PDGFD: variants seen among roughly 807,000 people sequenced by gnomAD.
PDGFD encodes platelet-derived growth factor D.
PDGFD carries 30 observed loss-of-function variants against 44.7 expected under a neutral mutation model. That is an observed-to-expected ratio of 0.67 (90% CI 0.50 to 0.91). The LOEUF (loss-of-function observed/expected upper bound fraction) is 0.91. Among genes scored for constraint, PDGFD ranks in the 40% least tolerant of loss-of-function variants. The pLI is 0.00. For synonymous variants in PDGFD, 173 were observed against 168.4 expected (o/e 1.03, Z -0.21); for missense variants, 445 against 457.8 (o/e 0.97, Z 0.25).
At chr11:104,075,377 G>GT (rs10716989) in intron 1 of PDGFD, among the ~76,000 whole-genome samples, 3,948 of 147,496 alleles carry the variant, frequency 0.027, 62 homozygotes, top group Middle Eastern at 0.053. Flanking sequence ...ATTTCTCAGT[G>GT]TTTTTTTTTT....
At chr11:104,112,922 A>C (rs1301726876) in intron 1 of PDGFD, among the ~76,000 whole-genome samples, 1 of 152,094 alleles carries the variant, frequency 6.6e-6, no homozygotes, top group Non-Finnish European at 1.5e-5. Flanking sequence ...GAAAATAACC[A>C]ATGGGTACTA....
chr11:104,010,387 G>C lies in PDGFD; in HGVS notation c.125-10132C>G, dbSNP rs189111505. Among the ~76,000 whole-genome samples the C allele has an allele frequency of 1.3e-3, 203 of 152,068 alleles. 2 individuals are homozygous for C. The highest frequency in any genetic ancestry group is 0.01 in the Middle Eastern group (3 of 294). On this transcript the variant is annotated intron_variant, in intron 1 of 6. Transcript: ENST00000393158. ...TGAAAAAGTACCATAAAGTCCTCTT[G>C]AATACTTGCCAGAAACACTCACAGG... is the stretch of plus-strand genomic sequence containing the variant.
intron 1 of PDGFD, chr11:104,037,455 G>A: frequency 6.2e-7 from 1 of 1,614,120 alleles, no homozygotes; most frequent in Non-Finnish European, 8.5e-7. Flanking sequence ...GGGAAGCTCA[G>A]GCCAAAATAG....
Position 103,968,696 on chromosome 11 carries a change from C to T in PDGFD, c.511-20972G>A, listed in dbSNP as rs575658346. Among the ~76,000 whole-genome samples the T allele has an allele frequency of 2.0e-5, 3 of 152,290 alleles. No individual in the cohort carries two copies. The East Asian group carries it at 5.8e-4, about 29-fold the overall frequency. ...ACAGTCTTTCTCAATTCTTGCAGAG[C>T]TGTAGTCGCCTTCCATTGGCCTGCC... On this transcript the variant is annotated intron_variant, in intron 3 of 6. Coordinates refer to ENST00000393158, the MANE Select transcript of PDGFD (RefSeq NM_025208.5).
At chr11:104,086,548 G>A (rs1183084164) in intron 1 of PDGFD, among the ~76,000 whole-genome samples, 1 of 152,128 alleles carries the variant, frequency 6.6e-6, no homozygotes, top group African/African-American at 2.4e-5. Context: ...TTTATAACCA[G>A]GAATGTACAA....
chr11:103,984,368 A>G (rs544292326), intron 3 of PDGFD, among the ~76,000 whole-genome samples: 1 of 151,588 alleles, frequency 6.6e-6, no homozygotes, highest in South Asian at 2.1e-4. Flanking sequence ...ATGAGAATAC[A>G]TGGACACATA....
At chr11:104,156,624 C>T (rs1012367037) in intron 1 of PDGFD, among the ~76,000 whole-genome samples, 2 of 152,104 alleles carry the variant, frequency 1.3e-5, no homozygotes, top group African/African-American at 4.8e-5. Context: ...AAACTGCACA[C>T]CCCACAAATC....
At chr11:103,966,374 A>G (rs1859020199) in intron 3 of PDGFD, among the ~76,000 whole-genome samples, 1 of 152,206 alleles carries the variant, frequency 6.6e-6, no homozygotes, top group South Asian at 2.1e-4. Flanking sequence ...TATTCAGCCA[A>G]TGCATATATT....
intron 5 of PDGFD, among the ~76,000 whole-genome samples, chr11:103,940,009 A>G (rs892616011): frequency 2.0e-5 from 3 of 152,098 alleles, no homozygotes; most frequent in African/African-American, 7.2e-5. Context: ...AAATGTAGAC[A>G]TTATTGCGTT....
At chr11:104,007,771 T>C (rs11226111) in intron 1 of PDGFD, among the ~76,000 whole-genome samples, 26,652 of 152,182 alleles carry the variant, frequency 0.18, 2,613 homozygotes, top group African/African-American at 0.26. Context: ...AGCAGTAATG[T>C]TTGCCCAGAA....
At chr11:103,962,767 A>T (rs1435856023) in intron 3 of PDGFD, among the ~76,000 whole-genome samples, 1 of 152,326 alleles carries the variant, frequency 6.6e-6, no homozygotes, top group South Asian at 2.1e-4. Flanking sequence ...TGGGAAAAAT[A>T]TCTTCTTTCC....
At chr11:104,101,613 C>T (rs1190367970) in intron 1 of PDGFD, among the ~76,000 whole-genome samples, 7 of 152,062 alleles carry the variant, frequency 4.6e-5, no homozygotes, top group African/African-American at 1.4e-4. Flanking sequence ...GAGCCCTCAT[C>T]GCCAAGTCAA....
In PDGFD at chr11:104,037,077, A is replaced by C. The variant is rs773169369; in HGVS notation, c.125-36822T>G. On this transcript the variant is annotated intron_variant, in intron 1 of 6. Transcript: ENST00000393158. ...AGGACAATGTGGGACCTCGGGCTCCAGGGCGTGCCCCGAACCAGCCTCGTG... is the reference window on the plus strand; with the variant it reads ...AGGACAATGTGGGACCTCGGGCTCCCGGGCGTGCCCCGAACCAGCCTCGTG... 1.1e-5 allele frequency: 18 copies of C among 1,614,126 alleles called. No homozygotes were observed. The East Asian group carries it at 1.6e-4, about 14-fold the overall frequency.
At chr11:103,954,037 G>A (rs1858799464) in intron 3 of PDGFD, among the ~76,000 whole-genome samples, 1 of 152,220 alleles carries the variant, frequency 6.6e-6, no homozygotes, top group African/African-American at 2.4e-5. Flanking sequence ...AGCAAATATA[G>A]CTGGGGCTAT....
At chr11:104,161,263 T>A (rs1165617392) in intron 1 of PDGFD, among the ~76,000 whole-genome samples, 3 of 152,250 alleles carry the variant, frequency 2.0e-5, no homozygotes, top group African/African-American at 7.2e-5. Context: ...ATTTTTCTCC[T>A]GATTATATTC....
At chr11:104,080,735 C>T (rs1861033075) in intron 1 of PDGFD, among the ~76,000 whole-genome samples, 3 of 152,146 alleles carry the variant, frequency 2.0e-5, no homozygotes, top group African/African-American at 7.2e-5. Context: ...TGGTAACCTT[C>T]AATGAATAGT....
intron 1 of PDGFD, among the ~76,000 whole-genome samples, chr11:104,031,626 A>C (rs562660608): frequency 1.3e-5 from 2 of 152,362 alleles, no homozygotes; most frequent in African/African-American, 4.8e-5. Context: ...CATTTGACCC[A>C]GAAATCTCAT....
Position 103,926,996 on chromosome 11 carries a change from G to T in PDGFD, c.903C>A (p.Arg301=). 1 of 1,614,174 alleles carries T rather than the reference G, an allele frequency of 6.2e-7. No homozygotes were observed. Among genetic ancestry groups the T allele is most frequent in the South Asian group, 1.1e-5 (1 of 91,086 alleles). ...TTCCACAGCCACAATTTCCTCCACA[G>T]CGCTGCACGAGGAGGCAACGTGGAA... The part of the protein sequence containing the change: ...VFFPRCLLVQ[R]CGGNCGCGTV... The change falls in exon 6 of 7, where the codon CGC becomes CGA. Residue 301 remains arginine (R), a synonymous_variant. Coordinates refer to ENST00000393158, the MANE Select transcript of PDGFD (RefSeq NM_025208.5).
At chr11:103,931,499 C>T (rs1858398327) in intron 5 of PDGFD, among the ~76,000 whole-genome samples, 1 of 152,184 alleles carries the variant, frequency 6.6e-6, no homozygotes, top group South Asian at 2.1e-4. Flanking sequence ...GAATCACATG[C>T]TTTTTTCTCT....
Sources: gnomAD v4.1 joint callset for allele counts (sites outside exome capture counted in the v4.1 genomes callset) on GRCh38, gnomAD v4.1.1 for gene constraint, MANE v1.5 for transcripts, NCBI Gene and HGNC (gene_info 2026-07-23, HGNC 2026-07-21) for gene names.